Variants in RTP4 observed in about 807,000 individuals in gnomAD.
RTP4 encodes the protein receptor-transporting protein 4.
RTP4 carries 5 observed loss-of-function variants against 6.5 expected under a neutral mutation model. That is an observed-to-expected ratio of 0.77 (90% CI 0.40 to 1.62). The LOEUF (loss-of-function observed/expected upper bound fraction) is 1.62, where lower values mean the gene tolerates loss of function less well. Among genes scored for constraint, RTP4 ranks in the 40% most tolerant of loss-of-function variants. RTP4 has a pLI of 0.02. For synonymous variants in RTP4, 112 were observed against 114.8 expected, an observed-to-expected ratio of 0.98 and a Z score of 0.15; for missense variants, 266 against 288.7, an observed-to-expected ratio of 0.92 and a Z score of 0.57.
Position 187,371,544 on chromosome 3 carries a change from C to T in RTP4, c.*171C>T. 1.7e-6 allele frequency: 1 copy of T among 588,822 alleles called. No individual in the cohort carries two copies. The highest frequency in any genetic ancestry group is 2.8e-5 in the East Asian group (1 of 35,942). The allele number at this position is 588,822 out of a possible 1,614,324, so 36.5% of individuals were successfully genotyped here. On this transcript the variant is annotated 3_prime_UTR_variant, in exon 2 of 2. Coordinates refer to ENST00000259030, the MANE Select transcript of RTP4 (RefSeq NM_022147.3). ...AAACAGTATGAAACATGACCAAGTA[C>T]ATAATGGATTTAGTAATAAATATTG... is the stretch of plus-strand genomic sequence containing the variant.
rs994222263 is a variant in RTP4 at position 187,371,556 on chromosome 3, A to C, written c.*183A>C. Reference sequence around the variant, plus strand: ...ACATGACCAAGTACATAATGGATTTAGTAATAAATATTGTCGAATTGCTAA... The same window carrying C: ...ACATGACCAAGTACATAATGGATTTCGTAATAAATATTGTCGAATTGCTAA... On this transcript the variant is annotated 3_prime_UTR_variant, in exon 2 of 2. Transcript: ENST00000259030. 5 of 576,920 alleles carry C rather than the reference A, an allele frequency of 8.7e-6. No homozygotes were observed. The highest frequency in any genetic ancestry group is 6.2e-5 in the Admixed American group (2 of 32,344). 35.7% of individuals were successfully genotyped at this position (576,920 alleles called of 1,614,324 possible). A position where few individuals can be genotyped will look rare whatever the true frequency, so the allele number is the denominator to read the frequency against.
chr3:187,369,775 T>C (rs1317757497), intron 1 of RTP4, among the ~76,000 whole-genome samples: 3 of 152,156 alleles, frequency 2.0e-5, no homozygotes, highest in Non-Finnish European at 4.4e-5. Context: ...AGAACAGTTC[T>C]CAAGTCACTT....
chr3:187,368,861 A>C (rs113880693), intron 1 of RTP4, among the ~76,000 whole-genome samples: 19 of 152,026 alleles, frequency 1.2e-4, no homozygotes, highest in African/African-American at 4.4e-4. Context: ...CTATTCCATA[A>C]ATTTTCCCTT....
intron 1 of RTP4, among the ~76,000 whole-genome samples, chr3:187,369,009 C>CT (rs10695577): frequency 0.21 from 28,846 of 136,232 alleles, 3,144 homozygotes; most frequent in Middle Eastern, 0.33. Context: ...GGGACGGAGC[C>CT]TTTTTTTTTT....
intron 1 of RTP4, 46 bp downstream of exon 1, chr3:187,368,642 T>C: frequency 6.5e-7 from 1 of 1,544,848 alleles, no homozygotes; most frequent in South Asian, 1.2e-5. Flanking sequence ...GAAGAGAGGC[T>C]CAGGCTCAGC....
Position 187,371,430 on chromosome 3 carries a change from C to T in RTP4, c.*57C>T, listed in dbSNP as rs1711614725. Reference sequence around the variant, plus strand: ...AATTCCATGGTAGTCAATGAACTGGCTGCCACTTTAATATAACTGAAAATT... The same window carrying T: ...AATTCCATGGTAGTCAATGAACTGGTTGCCACTTTAATATAACTGAAAATT... On this transcript the variant is annotated 3_prime_UTR_variant, in exon 2 of 2. Coordinates refer to ENST00000259030, the MANE Select transcript of RTP4 (RefSeq NM_022147.3). The T allele has an allele frequency of 7.9e-7, 1 of 1,268,018 alleles. No homozygotes were observed. The highest frequency in any genetic ancestry group is 2.3e-5 in the Admixed American group (1 of 44,164). 78.5% of individuals were successfully genotyped at this position (1,268,018 alleles called of 1,614,324 possible).
chr3:187,371,430 C>A lies in RTP4; in HGVS notation c.*57C>A. Reference sequence around the variant, plus strand: ...AATTCCATGGTAGTCAATGAACTGGCTGCCACTTTAATATAACTGAAAATT... The same window carrying A: ...AATTCCATGGTAGTCAATGAACTGGATGCCACTTTAATATAACTGAAAATT... On this transcript the variant is annotated 3_prime_UTR_variant, in exon 2 of 2. Transcript: ENST00000259030. 7.9e-7 allele frequency: 1 copy of A among 1,268,014 alleles called. No homozygotes were observed. Among genetic ancestry groups the A allele is most frequent in the Non-Finnish European group, 1.1e-6 (1 of 920,946 alleles). The allele number at this position is 1,268,014 out of a possible 1,614,324, so 78.5% of individuals were successfully genotyped here.
In RTP4 at chr3:187,371,543, A is replaced by C. The variant is rs1237165633; in HGVS notation, c.*170A>C. ...AAAACAGTATGAAACATGACCAAGT[A>C]CATAATGGATTTAGTAATAAATATT... On this transcript the variant is annotated 3_prime_UTR_variant, in exon 2 of 2. Coordinates refer to ENST00000259030, the MANE Select transcript of RTP4 (RefSeq NM_022147.3). The C allele has an allele frequency of 3.4e-6, 2 of 590,672 alleles. No individual in the cohort carries two copies. Among genetic ancestry groups the C allele is most frequent in the Non-Finnish European group, 6.0e-6 (2 of 335,532 alleles). 36.6% of individuals were successfully genotyped at this position (590,672 alleles called of 1,614,324 possible). A position where few individuals can be genotyped will look rare whatever the true frequency, so the allele number is the denominator to read the frequency against.
chr3:187,369,145 C>A (rs7639055), intron 1 of RTP4, among the ~76,000 whole-genome samples: 146,470 of 152,174 alleles, frequency 0.96, 70,623 homozygotes, highest in East Asian at 1. Flanking sequence ...TTCATGGAGT[C>A]ACCAAGTAAT....
chr3:187,369,252 CTG>C (rs1281873377), intron 1 of RTP4, among the ~76,000 whole-genome samples: 1 of 152,136 alleles, frequency 6.6e-6, no homozygotes, highest in East Asian at 1.9e-4. Flanking sequence ...GTGAGAATTG[CTG>C]ACCTGGATAA....
chr3:187,368,565 T>A lies in RTP4; in HGVS notation c.124T>A (p.Trp42Arg). ...NLQLDCLAQG[W>R]KQYQQRAFGW... is the part of the protein sequence containing the mutation. ...TCAGCTAGACTGCCTGGCTCAAGGG[T>A]GGAAGCAATACCAACAGAGAGCATT... The change falls in exon 1 of 2, where the codon TGG (tryptophan) becomes AGG (arginine). Residue 42 changes from tryptophan to arginine, a missense_variant. Physicochemically the swap from Trp to Arg is moderately radical, Grantham distance 101. Coordinates refer to ENST00000259030, the MANE Select transcript of RTP4 (RefSeq NM_022147.3). The A allele has an allele frequency of 6.2e-7, 1 of 1,613,810 alleles. No homozygotes were observed. The highest frequency in any genetic ancestry group is 8.5e-7 in the Non-Finnish European group (1 of 1,179,914).
At chr3:187,369,023 T>A (rs113202498) in intron 1 of RTP4, among the ~76,000 whole-genome samples, 24 of 149,882 alleles carry the variant, frequency 1.6e-4, no homozygotes, top group Admixed American at 4.6e-4. Flanking sequence ...TTTTTTTTTT[T>A]AAATATCTTA....
chr3:187,370,932 A>C lies in RTP4; in HGVS notation c.300A>C (p.Gln100His). Residue 100 changes from glutamine (Q) to histidine (H), a missense_variant, in exon 2 of 2, where the codon CAA becomes CAC. Transcript: ENST00000259030. ...GQRCQKCSWS[Q>H]YEMPEFSSDS... ...GGTGCCAGAAGTGCTCCTGGTCCCA[A>C]TATGAGATGCCTGAGTTCTCCTCGG... is the stretch of plus-strand genomic sequence containing the variant. 1 of 1,614,220 alleles carries C rather than the reference A, an allele frequency of 6.2e-7. No homozygotes were observed. The highest frequency in any genetic ancestry group is 8.5e-7 in the Non-Finnish European group (1 of 1,180,036).
chr3:187,370,844 G>A lies in RTP4; in HGVS notation c.212G>A (p.Cys71Tyr). Residue 71 changes from cysteine to tyrosine, a missense_variant, in exon 2 of 2, where the codon TGC becomes TAC. Physicochemically the swap from Cys to Tyr is radical, Grantham distance 194. Coordinates refer to ENST00000259030, the MANE Select transcript of RTP4 (RefSeq NM_022147.3). ...GCTTCCGCCCAAGTGCAGATTCTGT[G>A]CCACACGTACTGGGAGCACTGGACA... is the stretch of plus-strand genomic sequence containing the variant. ...SWASAQVQIL[C>Y]HTYWEHWTSQ... The A allele has an allele frequency of 6.2e-7, 1 of 1,614,102 alleles. No individual in the cohort carries two copies. Among genetic ancestry groups the A allele is most frequent in the Non-Finnish European group, 8.5e-7 (1 of 1,180,034 alleles).
rs757810928 is a variant in RTP4 at position 187,371,019 on chromosome 3, T to C, written c.387T>C (p.Asn129=). The change falls in exon 2 of 2, where the codon AAT becomes AAC. Residue 129 remains asparagine (N), a synonymous_variant. Transcript: ENST00000259030. The part of the protein sequence containing the change: ...VQHILKKYYG[N]GTRKSPEMPV... ...ATATACTGAAGAAATACTATGGAAA[T>C]GGCACGAGGAAGTCTCCAGAAATGC... The C allele has an allele frequency of 1.1e-5, 18 of 1,614,182 alleles. No homozygotes were observed. The highest frequency in any genetic ancestry group is 1.5e-5 in the Non-Finnish European group (18 of 1,180,036).
In RTP4 at chr3:187,371,301, A is replaced by G. The variant is rs375361466; in HGVS notation, c.669A>G (p.Pro223=). The G allele has an allele frequency of 6.2e-7, 1 of 1,605,232 alleles. No homozygotes were observed. The highest frequency in any genetic ancestry group is 1.3e-5 in the African/African-American group (1 of 74,938). The change falls in exon 2 of 2, where the codon CCA becomes CCG. Residue 223 remains proline, a synonymous_variant. Coordinates refer to ENST00000259030, the MANE Select transcript of RTP4 (RefSeq NM_022147.3). ...AGAAATTAGGGCCCAGTCGAGACCC[A>G]GATCCACTGAACATCTGTGTCTTTA... ...GYEKLGPSRD[P]DPLNICVFIL...
chr3:187,371,675 A>G lies in RTP4; in HGVS notation c.*302A>G. The stretch of plus-strand genomic sequence containing the variant: ...AGGCTGAATAATGGTGTCTCCCAAC[A>G]TATGCATGACTTAATCCCCAGAACC... On this transcript the variant is annotated 3_prime_UTR_variant, in exon 2 of 2. Coordinates refer to ENST00000259030, the MANE Select transcript of RTP4 (RefSeq NM_022147.3). 3.0e-6 allele frequency: 1 copy of G among 334,080 alleles called. No individual in the cohort carries two copies. 20.7% of individuals were successfully genotyped at this position (334,080 alleles called of 1,614,324 possible). A position where few individuals can be genotyped will look rare whatever the true frequency, so the allele number is the denominator to read the frequency against.
rs1417755791 is a variant in RTP4 at position 187,371,123 on chromosome 3, A to G, written c.491A>G (p.Gln164Arg). The G allele has an allele frequency of 1.4e-5, 23 of 1,614,134 alleles. No homozygotes were observed. Among genetic ancestry groups the G allele is most frequent in the Non-Finnish European group, 1.9e-5 (23 of 1,179,990 alleles). The change falls in exon 2 of 2, where the codon CAG becomes CGG. Residue 164 changes from glutamine (Q) to arginine (R), a missense_variant. By Grantham distance (43) the Gln-to-Arg change is conservative. Transcript: ENST00000259030. ...GCATGCACTTTGGGCATCTGTGGAC[A>G]GGGCTTAAAAAGCTGCATGACAAAG... Reference protein sequence around the residue: ...CEACTLGICGQGLKSCMTKPS... With the variant: ...CEACTLGICGRGLKSCMTKPS...
intron 1 of RTP4, among the ~76,000 whole-genome samples, chr3:187,369,573 A>G (rs1023496992): frequency 6.6e-6 from 1 of 151,770 alleles, no homozygotes; most frequent in African/African-American, 2.4e-5. Context: ...CCATAAGATA[A>G]TGGGATAAGA....
Sources: gnomAD v4.1 joint callset for allele counts (sites outside exome capture counted in the v4.1 genomes callset) on GRCh38, gnomAD v4.1.1 for gene constraint, MANE v1.5 for transcripts, NCBI Gene and HGNC (gene_info 2026-07-23, HGNC 2026-07-21) for gene names.